The following SGCZ variants were observed in gnomAD, a reference collection of about 807,000 sequenced individuals.
The protein encoded by SGCZ is sarcoglycan zeta.
Under a neutral mutation model 41.3 loss-of-function variants are expected in SGCZ, and 40 were observed. That is an observed-to-expected ratio of 0.97 (90% CI 0.75 to 1.26). The LOEUF (loss-of-function observed/expected upper bound fraction) is 1.26, where lower values mean the gene tolerates loss of function less well. Among genes scored for constraint, SGCZ ranks in the 50% most tolerant of loss-of-function variants. The pLI is 0.00. For missense variants in SGCZ, 552 were observed against 369.8 expected (o/e 1.49, Z -4.04); for synonymous variants, 206 against 137.5 (o/e 1.50, Z -3.49).
At chr8:14,384,230 C>T (rs868859901) in intron 2 of SGCZ, among the ~76,000 whole-genome samples, 2 of 151,882 alleles carry the variant, frequency 1.3e-5, no homozygotes, top group South Asian at 4.1e-4. Context: ...GTTTTTTGTC[C>T]TTGCGATAGT....
chr8:14,628,037 T>A (rs541520938), intron 1 of SGCZ, among the ~76,000 whole-genome samples: 16 of 152,240 alleles, frequency 1.1e-4, no homozygotes, highest in African/African-American at 3.6e-4. Flanking sequence ...CAGTTAAGCA[T>A]AGGCAGGCCT....
At chr8:15,137,558 A>G (rs1254401170) in intron 1 of SGCZ, among the ~76,000 whole-genome samples, 1 of 152,138 alleles carries the variant, frequency 6.6e-6, no homozygotes, top group Non-Finnish European at 1.5e-5. Context: ...TGTGCAGCCT[A>G]GGGACTTCAT....
At chr8:14,961,298 T>G (rs977823665) in intron 1 of SGCZ, among the ~76,000 whole-genome samples, 1 of 152,156 alleles carries the variant, frequency 6.6e-6, no homozygotes, top group Non-Finnish European at 1.5e-5. Flanking sequence ...ACCTGTTGTT[T>G]ACTGTAGAAA....
At chr8:15,163,969 CT>C (rs1563159989) in intron 1 of SGCZ, among the ~76,000 whole-genome samples, 1 of 152,224 alleles carries the variant, frequency 6.6e-6, no homozygotes, top group Non-Finnish European at 1.5e-5. Flanking sequence ...GGGAAGGAGG[CT>C]GGCCTCTCCG....
intron 4 of SGCZ, among the ~76,000 whole-genome samples, chr8:14,174,814 A>C (rs922257910): frequency 7.2e-5 from 11 of 152,124 alleles, no homozygotes; most frequent in African/African-American, 2.4e-4. Context: ...AGAAGTCTAA[A>C]ACAAAGGTGT....
chr8:14,459,217 T>C (rs1585543089), intron 2 of SGCZ, among the ~76,000 whole-genome samples: 1 of 151,206 alleles, frequency 6.6e-6, no homozygotes, highest in South Asian at 2.1e-4. Flanking sequence ...AATTGAACAA[T>C]GAGAACACTT....
intron 5 of SGCZ, among the ~76,000 whole-genome samples, chr8:14,156,753 T>C (rs1462065894): frequency 6.6e-6 from 1 of 152,312 alleles, no homozygotes; most frequent in Non-Finnish European, 1.5e-5. Context: ...AAAATACCCG[T>C]AGCCCAGGTC....
At chr8:14,829,647 C>A (rs1163127174) in intron 1 of SGCZ, among the ~76,000 whole-genome samples, 1 of 151,910 alleles carries the variant, frequency 6.6e-6, no homozygotes, top group African/African-American at 2.4e-5. Flanking sequence ...AATATATCAG[C>A]TACAATATAC....
chr8:14,407,014 C>G (rs1799229287), intron 2 of SGCZ, among the ~76,000 whole-genome samples: 1 of 151,474 alleles, frequency 6.6e-6, no homozygotes, highest in Non-Finnish European at 1.5e-5. Context: ...CCTGCCTGTC[C>G]TGCATCAATA....
chr8:15,057,116 G>A lies in SGCZ; in HGVS notation c.39+180469C>T, dbSNP rs1804738771. 2.0e-5 allele frequency among the ~76,000 whole-genome samples: 3 copies of A among 152,204 alleles called. No individual in the cohort carries two copies. The South Asian group carries it at 6.2e-4, about 31-fold the overall frequency. On this transcript the variant is annotated intron_variant, in intron 1 of 7. Transcript: ENST00000382080. ...CTGTTCCCCGATTACCACTGTGTGG[G>A]CCGATCAGCACTAGGCTGGAGCACA...
chr8:14,517,398 T>C (rs565576588), intron 2 of SGCZ, among the ~76,000 whole-genome samples: 5 of 152,232 alleles, frequency 3.3e-5, no homozygotes, highest in African/African-American at 9.6e-5. Flanking sequence ...TTCTATTCTT[T>C]CTATATTTTG....
At chr8:15,081,771 G>A (rs942527396) in intron 1 of SGCZ, among the ~76,000 whole-genome samples, 3 of 152,108 alleles carry the variant, frequency 2.0e-5, no homozygotes, top group African/African-American at 7.2e-5. Context: ...GAGAGAAAAG[G>A]CAAGTAACTG....
At position 14,594,719 on chromosome 8, in the gene SGCZ, G is replaced by A. The variant is rs146215452; in HGVS notation, c.40-39793C>T. 1.1e-3 allele frequency among the ~76,000 whole-genome samples: 161 copies of A among 151,980 alleles called. 5 individuals carry two copies. Among genetic ancestry groups the A allele is most frequent in the African/African-American group, 3.4e-3 (142 of 41,306 alleles). Reference sequence around the variant, plus strand: ...ATAAAATATGAATAACTGTCTGTGCGTTGGGGGTGTCTTGCATATGTGTGT... The same window carrying A: ...ATAAAATATGAATAACTGTCTGTGCATTGGGGGTGTCTTGCATATGTGTGT... On this transcript the variant is annotated intron_variant, in intron 1 of 7. Coordinates refer to ENST00000382080, the MANE Select transcript of SGCZ (RefSeq NM_139167.4).
chr8:14,997,044 G>A (rs929735947), intron 1 of SGCZ, among the ~76,000 whole-genome samples: 1 of 152,158 alleles, frequency 6.6e-6, no homozygotes, highest in African/African-American at 2.4e-5. Context: ...AGGCTCTAAT[G>A]TCTTCCTTAG....
intron 1 of SGCZ, among the ~76,000 whole-genome samples, chr8:15,155,506 A>G (rs1348338447): frequency 6.6e-6 from 1 of 152,184 alleles, no homozygotes; most frequent in Admixed American, 6.5e-5. Context: ...TTAAAGTAGC[A>G]CAACAGATGT....
Position 14,394,140 on chromosome 8 carries a change from C to G in SGCZ, c.235-69936G>C, listed in dbSNP as rs66724789. Among the ~76,000 whole-genome samples, 7 of 143,636 alleles carry G rather than the reference C, an allele frequency of 4.9e-5. No homozygotes were observed. In the South Asian group the frequency reaches 1.1e-3, roughly 22 times the overall value. The allele number at this position is 143,636 out of a possible 152,430, so 94.2% of individuals were successfully genotyped here. ...CTTCATGCACTGCCCTACCGCCCCCCACCTTTTTTTTTTTTTTTTTTTTTT... is the reference window on the plus strand; with the variant it reads ...CTTCATGCACTGCCCTACCGCCCCCGACCTTTTTTTTTTTTTTTTTTTTTT... On this transcript the variant is annotated intron_variant, in intron 2 of 7. Transcript: ENST00000382080.
chr8:14,500,992 C>T (rs1181243680), intron 2 of SGCZ, among the ~76,000 whole-genome samples: 1 of 144,624 alleles, frequency 6.9e-6, no homozygotes, highest in Admixed American at 7.1e-5. Context: ...TAGCTTAAAA[C>T]CACAAATTTA....
intron 2 of SGCZ, among the ~76,000 whole-genome samples, chr8:14,536,023 C>T (rs932581250): frequency 7.9e-5 from 12 of 151,636 alleles, no homozygotes; most frequent in African/African-American, 2.7e-4. Context: ...AGAGCTTTGG[C>T]AGATACAAGT....
At chr8:14,587,014 G>A (rs995478930) in intron 1 of SGCZ, among the ~76,000 whole-genome samples, 1 of 148,772 alleles carries the variant, frequency 6.7e-6, no homozygotes, top group African/African-American at 2.5e-5. Context: ...ATATCCTTAT[G>A]TGTTTCTTAC....
Sources: gnomAD v4.1 joint callset for allele counts (sites outside exome capture counted in the v4.1 genomes callset) on GRCh38, gnomAD v4.1.1 for gene constraint, MANE v1.5 for transcripts, NCBI Gene and HGNC (gene_info 2026-07-23, HGNC 2026-07-21) for gene names.